The following SVIL variants were observed in gnomAD, a reference collection of about 807,000 sequenced individuals.
SVIL encodes supervillin.
SVIL carries 101 observed loss-of-function variants against 240.4 expected under a neutral mutation model. That is an observed-to-expected ratio of 0.42 (90% CI 0.36 to 0.50). SVIL has a LOEUF of 0.50. Among genes scored for constraint, SVIL ranks in the 20% least tolerant of loss-of-function variants. The pLI, the probability that SVIL is intolerant of heterozygous loss-of-function variation, is 0.01. For missense variants in SVIL, 2,512 were observed against 2,818.7 expected (o/e 0.89, Z 2.46); for synonymous variants, 999 against 1,100.0 (o/e 0.91, Z 1.82).
chr10:29,603,669 C>G (rs1215835074), intron 1 of SVIL, among the ~76,000 whole-genome samples: 1 of 152,132 alleles, frequency 6.6e-6, no homozygotes, highest in Admixed American at 6.5e-5. Flanking sequence ...GGGACCCTGC[C>G]CTCTCAAAGT....
chr10:29,513,201 C>T (rs1246858829), intron 16 of SVIL, among the ~76,000 whole-genome samples: 1 of 152,190 alleles, frequency 6.6e-6, no homozygotes, highest in Non-Finnish European at 1.5e-5. Context: ...CTTTTAGCGA[C>T]GCCTTCTGGT....
chr10:29,476,431 G>A (rs1946200676), intron 29 of SVIL, among the ~76,000 whole-genome samples: 1 of 152,096 alleles, frequency 6.6e-6, no homozygotes, highest in Admixed American at 6.5e-5. Flanking sequence ...TTTTATTTTA[G>A]AGACAGGGTC....
chr10:29,553,640 C>T (rs1953600847), intron 5 of SVIL, among the ~76,000 whole-genome samples: 1 of 152,114 alleles, frequency 6.6e-6, no homozygotes, highest in Non-Finnish European at 1.5e-5. Flanking sequence ...CTCCTCAGAG[C>T]CAGGGACTGT....
intron 1 of SVIL, among the ~76,000 whole-genome samples, chr10:29,729,182 C>A (rs968299295): frequency 6.6e-6 from 1 of 152,096 alleles, no homozygotes; most frequent in African/African-American, 2.4e-5. Flanking sequence ...ACCCCAAGGA[C>A]CATGATGTTG....
In SVIL at chr10:29,470,269, C is replaced by T. The variant is rs150969968; in HGVS notation, c.5843+7G>A. On this transcript the variant is annotated splice_region_variant and intron_variant, in intron 32 of 37. Coordinates refer to ENST00000355867, the MANE Select transcript of SVIL (RefSeq NM_021738.3). ...GTGGGGGGACTCGCCGCAGACACAA[C>T]ACTCACTGTTCCTTGATCTTGTTCG... 3.7e-5 allele frequency: 60 copies of T among 1,614,228 alleles called. No individual in the cohort carries two copies. In the African/African-American group the frequency reaches 7.2e-4, roughly 19 times the overall value.
chr10:29,695,229 T>A (rs1961833382), intron 1 of SVIL, among the ~76,000 whole-genome samples: 1 of 152,148 alleles, frequency 6.6e-6, no homozygotes. Context: ...TACTAATTGA[T>A]TCCCAATTAG....
chr10:29,463,751 A>T, intron 34 of SVIL, 116 bp from the exon 35 acceptor site: 2 of 1,425,278 alleles, frequency 1.4e-6, no homozygotes, highest in Non-Finnish European at 1.9e-6. Context: ...CACAGGGGGA[A>T]ACCCCCTTGG....
rs1290504880 is a variant in SVIL at position 29,507,325 on chromosome 10, G to T, written c.3516+5410C>A. Among the ~76,000 whole-genome samples, 3 of 152,118 alleles carry T rather than the reference G, an allele frequency of 2.0e-5. No individual in the cohort carries two copies. In the East Asian group the frequency reaches 5.8e-4, roughly 29 times the overall value. On this transcript the variant is annotated intron_variant, in intron 17 of 37. Transcript: ENST00000355867. ...TGCATCTCCTGGGCTCCTGACTCAG[G>T]ATCGAAGCTCAGAGGCTGAAAGGGG...
chr10:29,478,105 G>T (rs1205861897), intron 29 of SVIL, among the ~76,000 whole-genome samples: 1 of 152,062 alleles, frequency 6.6e-6, no homozygotes, highest in African/African-American at 2.4e-5. Context: ...GTTCTTTAAA[G>T]TTCCCAGTTC....
intron 2 of SVIL, among the ~76,000 whole-genome samples, chr10:29,669,804 T>A (rs1475764227): frequency 1.3e-5 from 2 of 152,092 alleles, no homozygotes; most frequent in Non-Finnish European, 2.9e-5. Context: ...GTCTGGGAGT[T>A]AGTGACATGA....
intron 1 of SVIL, among the ~76,000 whole-genome samples, chr10:29,598,229 G>T (rs1239793112): frequency 6.6e-6 from 1 of 152,172 alleles, no homozygotes; most frequent in Non-Finnish European, 1.5e-5. Flanking sequence ...GGGGGAATGG[G>T]AAGTTTAATA....
intron 2 of SVIL, among the ~76,000 whole-genome samples, chr10:29,669,887 G>A (rs1324622088): frequency 1.3e-5 from 2 of 152,294 alleles, no homozygotes; most frequent in East Asian, 3.9e-4. Flanking sequence ...GCTGAGATGA[G>A]AGGATCACTT....
chr10:29,604,064 T>C (rs1956916412), intron 1 of SVIL, among the ~76,000 whole-genome samples: 1 of 152,192 alleles, frequency 6.6e-6, no homozygotes, highest in Non-Finnish European at 1.5e-5. Flanking sequence ...CCCATGTCCA[T>C]CGCTTCCTTT....
chr10:29,503,015 G>A (rs910997205), intron 17 of SVIL, among the ~76,000 whole-genome samples: 4 of 152,168 alleles, frequency 2.6e-5, no homozygotes, highest in African/African-American at 9.7e-5. Context: ...ATAAAATATT[G>A]TGACCTGGCT....
chr10:29,540,556 G>A (rs2132599630), intron 6 of SVIL, among the ~76,000 whole-genome samples: 1 of 152,320 alleles, frequency 6.6e-6, no homozygotes, highest in East Asian at 1.9e-4. Context: ...TGGACCCAGT[G>A]CAGCAGGACC....
At chr10:29,546,343 C>A (rs574467052) in intron 6 of SVIL, among the ~76,000 whole-genome samples, 1 of 152,134 alleles carries the variant, frequency 6.6e-6, no homozygotes, top group African/African-American at 2.4e-5. Context: ...TTTTCTACTT[C>A]ACCTATTTCG....
chr10:29,673,579 G>C (rs1307803654), intron 2 of SVIL, among the ~76,000 whole-genome samples: 4 of 131,134 alleles, frequency 3.1e-5, no homozygotes, highest in Non-Finnish European at 6.5e-5. Context: ...GGCATTAGGG[G>C]GGAGAGAGAG....
rs897270307 is a variant in SVIL at position 29,494,814 on chromosome 10, G to C, written c.3841+100C>G. The C allele has an allele frequency of 1.3e-5, 15 of 1,171,334 alleles. No homozygotes were observed. In the African/African-American group the frequency reaches 1.6e-4, roughly 12 times the overall value. The allele number at this position is 1,171,334 out of a possible 1,614,324, so 72.6% of individuals were successfully genotyped here. A position where few individuals can be genotyped will look rare whatever the true frequency, so the allele number is the denominator to read the frequency against. ...GAATCAGGGCTTGTTTCTCTAATCA[G>C]TCTTGACCAAAACTTCTTTTTTTTG... On this transcript the variant is annotated intron_variant, in intron 20 of 37. Coordinates refer to ENST00000355867, the MANE Select transcript of SVIL (RefSeq NM_021738.3).
chr10:29,525,508 G>A (rs1384241795), intron 13 of SVIL, among the ~76,000 whole-genome samples: 1 of 152,190 alleles, frequency 6.6e-6, no homozygotes, highest in African/African-American at 2.4e-5. Flanking sequence ...CAGCTACTCA[G>A]GAGGCTGAGG....
Sources: gnomAD v4.1 joint callset for allele counts (sites outside exome capture counted in the v4.1 genomes callset) on GRCh38, gnomAD v4.1.1 for gene constraint, MANE v1.5 for transcripts, NCBI Gene and HGNC (gene_info 2026-07-23, HGNC 2026-07-21) for gene names.